The following NIPBL variants were observed in gnomAD, a reference collection of about 807,000 sequenced individuals.
NIPBL encodes the protein NIPBL cohesin loading factor, also known as nipped-B-like protein.
A neutral mutation model predicts 321.8 loss-of-function variants in NIPBL; 19 were observed. The ratio of observed to expected loss-of-function variants is 0.06; its 90% CI spans 0.04 to 0.09. NIPBL has a LOEUF of 0.09. Among genes scored for constraint, NIPBL ranks in the 10% least tolerant of loss-of-function variants. The pLI, the probability that NIPBL is intolerant of heterozygous loss-of-function variation, is 1.00. For missense variants in NIPBL, 2,210 were observed against 3,327.0 expected, an observed-to-expected ratio of 0.66 and a Z score of 8.26; for synonymous variants, 1,106 against 1,114.1, an observed-to-expected ratio of 0.99 and a Z score of 0.14.
chr5:37,064,108 TA>T, intron 46 of NIPBL, 130 bp downstream of exon 46: 1 of 1,461,040 alleles, frequency 6.8e-7, no homozygotes, highest in Non-Finnish European at 9.0e-7. Context: ...ATTTTGTAGA[TA>T]GAGATTCTCT....
chr5:36,904,572 G>A (rs966131574), intron 1 of NIPBL, among the ~76,000 whole-genome samples: 3 of 152,182 alleles, frequency 2.0e-5, no homozygotes, highest in African/African-American at 7.2e-5. Context: ...TATGGGCCAG[G>A]AATATGGCTA....
intron 32 of NIPBL, among the ~76,000 whole-genome samples, chr5:37,034,945 G>A (rs1751514806): frequency 6.6e-6 from 1 of 152,140 alleles, no homozygotes; most frequent in South Asian, 2.1e-4. Context: ...AAATGAAAAA[G>A]GAAAAACCAA....
chr5:36,908,752 A>G (rs1218737465), intron 1 of NIPBL, among the ~76,000 whole-genome samples: 3 of 152,250 alleles, frequency 2.0e-5, no homozygotes, highest in Non-Finnish European at 2.9e-5. Context: ...GGAAAGCAAA[A>G]AGAGAAATGG....
intron 34 of NIPBL, among the ~76,000 whole-genome samples, chr5:37,042,573 C>T (rs1752522603): frequency 6.6e-6 from 1 of 152,042 alleles, no homozygotes; most frequent in African/African-American, 2.4e-5. Context: ...AGGCAGATCA[C>T]AAAGTGTGGA....
intron 6 of NIPBL, among the ~76,000 whole-genome samples, chr5:36,968,000 G>A (rs905907603): frequency 1.3e-5 from 2 of 151,272 alleles, no homozygotes; most frequent in African/African-American, 2.4e-5. Flanking sequence ...GGAGGCTGAG[G>A]TGGGAGGATG....
At chr5:36,929,013 G>A (rs565010893) in intron 1 of NIPBL, among the ~76,000 whole-genome samples, 1 of 152,004 alleles carries the variant, frequency 6.6e-6, no homozygotes, top group East Asian at 1.9e-4. Context: ...TATTTATCTT[G>A]GATACATTCC....
At chr5:36,908,118 A>C (rs1336408926) in intron 1 of NIPBL, among the ~76,000 whole-genome samples, 11 of 152,192 alleles carry the variant, frequency 7.2e-5, no homozygotes, top group African/African-American at 2.7e-4. Context: ...TAAATATTTA[A>C]TGGCAATAGA....
At chr5:36,992,017 T>C (rs1242398928) in intron 10 of NIPBL, among the ~76,000 whole-genome samples, 1 of 152,186 alleles carries the variant, frequency 6.6e-6, no homozygotes, top group Non-Finnish European at 1.5e-5. Flanking sequence ...TTGAGTGATT[T>C]ATAATGGAAA....
At chr5:37,057,064 C>G (rs935580527) in intron 42 of NIPBL, 122 bp from the exon 43 acceptor site, 3 of 903,400 alleles carry the variant, frequency 3.3e-6, no homozygotes, top group African/African-American at 3.3e-5. Context: ...CCGTGTGTGT[C>G]TGCTTATCTC....
chr5:37,052,280 T>C (rs1753645273), intron 41 of NIPBL, 86 bp from the exon 42 acceptor site: 4 of 1,035,496 alleles, frequency 3.9e-6, no homozygotes, highest in Admixed American at 1.8e-5. Flanking sequence ...ACAATGAAGC[T>C]AGCCTCAGAA....
In NIPBL at chr5:37,049,308, A is replaced by G. The variant is rs765095458; in HGVS notation, c.6954+7A>G. The stretch of plus-strand genomic sequence containing the variant: ...TCTTATTCATCCAGTTCAGGTAAGC[A>G]TGTTTTATGGCAGCAGCACTTACTA... On this transcript the variant is annotated splice_region_variant and intron_variant, in intron 40 of 46. Transcript: ENST00000282516. The G allele has an allele frequency of 3.7e-6, 6 of 1,613,774 alleles. No homozygotes were observed. Among genetic ancestry groups the G allele is most frequent in the Non-Finnish European group, 5.1e-6 (6 of 1,179,858 alleles).
At chr5:36,914,016 C>T (rs1748255199) in intron 1 of NIPBL, among the ~76,000 whole-genome samples, 1 of 152,214 alleles carries the variant, frequency 6.6e-6, no homozygotes, top group Admixed American at 6.5e-5. Context: ...ACAGTAGCTC[C>T]AGAAACCACA....
chr5:36,912,611 C>T (rs546858044), intron 1 of NIPBL, among the ~76,000 whole-genome samples: 19 of 151,646 alleles, frequency 1.3e-4, no homozygotes, highest in African/African-American at 4.6e-4. Context: ...AAGCGATTCT[C>T]CTGCCTCAGC....
chr5:36,887,020 G>A (rs917555588), intron 1 of NIPBL, among the ~76,000 whole-genome samples: 1 of 152,156 alleles, frequency 6.6e-6, no homozygotes, highest in Non-Finnish European at 1.5e-5. Flanking sequence ...ACTTTGAACA[G>A]TGGTAGATAT....
chr5:37,025,075 A>G, intron 30 of NIPBL, among the ~76,000 whole-genome samples: 1 of 152,198 alleles, frequency 6.6e-6, no homozygotes, highest in East Asian at 1.9e-4. Context: ...TCTATAAAAA[A>G]TAAAATGATG....
intron 23 of NIPBL, 103 bp from the exon 24 acceptor site, chr5:37,016,916 A>T: frequency 2.2e-6 from 2 of 913,990 alleles, no homozygotes; most frequent in Non-Finnish European, 3.2e-6. Flanking sequence ...AAAAAAGTTT[A>T]AATTTTAAAT....
At chr5:36,905,385 G>A (rs2149538874) in intron 1 of NIPBL, among the ~76,000 whole-genome samples, 1 of 152,078 alleles carries the variant, frequency 6.6e-6, no homozygotes, top group East Asian at 1.9e-4. Flanking sequence ...TTAGGACTTG[G>A]GATTGAGCAG....
chr5:37,036,140 ATTGT>A (rs1037975055), intron 32 of NIPBL, among the ~76,000 whole-genome samples: 12 of 151,864 alleles, frequency 7.9e-5, no homozygotes, highest in African/African-American at 2.7e-4. Flanking sequence ...TTGTAGTAAA[ATTGT>A]TTGAAAGTAT....
chr5:36,985,212 C>T lies in NIPBL; in HGVS notation c.2032C>T (p.Leu678=). Residue 678 remains leucine (L), a synonymous_variant, in exon 10 of 47, where the codon CTG becomes TTG. Transcript: ENST00000282516. ...IVEPKQNENR[L]SDTKPNDNKQ... ...TGAGCCTAAACAAAATGAAAATAGA[C>T]TGTCTGACACAAAACCAAATGACAA... 1.2e-6 allele frequency: 2 copies of T among 1,613,800 alleles called. No homozygotes were observed. Among genetic ancestry groups the T allele is most frequent in the South Asian group, 1.1e-5 (1 of 91,070 alleles).
Sources: gnomAD v4.1 joint callset for allele counts (sites outside exome capture counted in the v4.1 genomes callset) on GRCh38, gnomAD v4.1.1 for gene constraint, MANE v1.5 for transcripts, NCBI Gene and HGNC (gene_info 2026-07-23, HGNC 2026-07-21) for gene names.